The following MBD5 variants were observed in gnomAD, a reference collection of about 807,000 sequenced individuals.
MBD5 encodes the protein methyl-CpG binding domain protein 5, also known as methyl-CpG-binding domain protein 5.
A neutral mutation model predicts 117.3 loss-of-function variants in MBD5; 13 were observed. The ratio of observed to expected loss-of-function variants is 0.11; its 90% confidence interval spans 0.07 to 0.18. MBD5 has a LOEUF of 0.18. MBD5 is among the 10% of genes least tolerant of loss of function. The pLI is 1.00. For synonymous variants in MBD5, 727 were observed against 766.4 expected (o/e 0.95, Z 0.85); for missense variants, 1,879 against 2,093.8 (o/e 0.90, Z 2.00).
rs114720404 is a variant in MBD5, at chr2:148,167,192, T to C, written c.-924-11508T>C. ...TCTACAGGAAAAGAATTTTTAGTCT[T>C]TATGCCGATTAAAATGGTATTTATT... On this transcript the variant is annotated intron_variant, in intron 1 of 13. Coordinates refer to ENST00000642680, the MANE Select transcript of MBD5 (RefSeq NM_001378120.1). Among the ~76,000 whole-genome samples the C allele has an allele frequency of 4.1e-3, 622 of 152,286 alleles. 2 individuals are homozygous for C. Among genetic ancestry groups the C allele is most frequent in the South Asian group, 0.014 (68 of 4,832 alleles).
chr2:148,238,996 C>CAT (rs72208627), intron 3 of MBD5, among the ~76,000 whole-genome samples: 32 of 149,168 alleles, frequency 2.1e-4, no homozygotes, highest in African/African-American at 7.2e-4. Context: ...ATAACTCTAT[C>CAT]ATATATATAT....
chr2:148,255,273 A>G (rs544753014), intron 3 of MBD5, among the ~76,000 whole-genome samples: 1 of 152,260 alleles, frequency 6.6e-6, no homozygotes, highest in South Asian at 2.1e-4. Context: ...ACACCTTCTC[A>G]GCTCCCCGTG....
intron 3 of MBD5, among the ~76,000 whole-genome samples, chr2:148,328,732 C>T (rs1384948019): frequency 1.3e-5 from 2 of 152,194 alleles, no homozygotes; most frequent in African/African-American, 4.8e-5. Flanking sequence ...CTGACCTGCG[C>T]CCACTGTCTG....
chr2:148,484,122 G>T lies in MBD5; in HGVS notation c.3531G>T (p.Gly1177=), dbSNP rs928837967. The change falls in exon 9 of 14, where the codon GGG becomes GGT. Residue 1177 remains glycine, a synonymous_variant. Transcript: ENST00000642680. ...VVPQLLNPLL[G]TGLLGDMSSI... is the part of the protein sequence containing the mutation. Reference sequence around the variant, plus strand: ...CACAGCTACTTAACCCTCTACTGGGGACAGGTCTACTTGGTAAGTTAAATT... The same window carrying T: ...CACAGCTACTTAACCCTCTACTGGGTACAGGTCTACTTGGTAAGTTAAATT... The T allele has an allele frequency of 1.3e-6, 2 of 1,487,770 alleles. No homozygotes were observed. Among genetic ancestry groups the T allele is most frequent in the Non-Finnish European group, 1.8e-6 (2 of 1,117,122 alleles). The allele number at this position is 1,487,770 out of a possible 1,614,324, so 92.2% of individuals were successfully genotyped here.
intron 1 of MBD5, chr2:148,055,381 A>T (rs1436778613): frequency 6.7e-6 from 1 of 148,260 alleles, no homozygotes; most frequent in East Asian, 2.0e-4. Flanking sequence ...GCCTTCTTTG[A>T]TTAACAATCC....
At chr2:148,112,199 A>G (rs1299996633) in intron 1 of MBD5, among the ~76,000 whole-genome samples, 1 of 152,198 alleles carries the variant, frequency 6.6e-6, no homozygotes, top group African/African-American at 2.4e-5. Flanking sequence ...GAAATTTTTC[A>G]AAGAATTTAT....
At chr2:148,462,216 T>A (rs1707109870) in intron 5 of MBD5, among the ~76,000 whole-genome samples, 1 of 152,198 alleles carries the variant, frequency 6.6e-6, no homozygotes, top group Admixed American at 6.5e-5. Flanking sequence ...AAGTAGATAT[T>A]CTAGTTTAAA....
intron 3 of MBD5, among the ~76,000 whole-genome samples, chr2:148,239,554 G>C (rs190838094): frequency 9.4e-4 from 143 of 152,006 alleles, no homozygotes; most frequent in African/African-American, 3.3e-3. Flanking sequence ...TTATTATTAT[G>C]GGTAAGAAAT....
At chr2:148,150,467 A>G (rs1327581427) in intron 1 of MBD5, among the ~76,000 whole-genome samples, 1 of 152,074 alleles carries the variant, frequency 6.6e-6, no homozygotes, top group Non-Finnish European at 1.5e-5. Context: ...TTTTTTTCCA[A>G]TTCTGTGAAG....
intron 1 of MBD5, chr2:148,056,171 T>C (rs1209170060): frequency 6.6e-6 from 1 of 152,166 alleles, no homozygotes; most frequent in Non-Finnish European, 1.5e-5. Flanking sequence ...GAAATGCAGT[T>C]GTCTTTTGTA....
At chr2:148,406,231 C>CT (rs1705073843) in intron 4 of MBD5, among the ~76,000 whole-genome samples, 1 of 152,120 alleles carries the variant, frequency 6.6e-6, no homozygotes, top group Non-Finnish European at 1.5e-5. Flanking sequence ...TGGCCATGTA[C>CT]TTTTTTCTGG....
chr2:148,494,708 T>C (rs1017900932), intron 11 of MBD5, among the ~76,000 whole-genome samples: 8 of 152,300 alleles, frequency 5.3e-5, no homozygotes, highest in African/African-American at 1.9e-4. Flanking sequence ...ACGCCTGTAA[T>C]CCCAGCACTT....
chr2:148,439,163 T>G (rs914754376), intron 4 of MBD5, among the ~76,000 whole-genome samples: 2 of 152,162 alleles, frequency 1.3e-5, no homozygotes, highest in African/African-American at 4.8e-5. Flanking sequence ...GAAGTTGACT[T>G]TCAGGATTTC....
At chr2:148,084,081 G>A (rs559619025) in intron 1 of MBD5, among the ~76,000 whole-genome samples, 4 of 152,164 alleles carry the variant, frequency 2.6e-5, no homozygotes, top group Non-Finnish European at 5.9e-5. Context: ...AAAGTCTCTC[G>A]TTTTGCTGTT....
intron 2 of MBD5, among the ~76,000 whole-genome samples, chr2:148,224,509 ATTTTTTTTT>A (rs34659671): frequency 6.9e-5 from 4 of 58,136 alleles, no homozygotes; most frequent in African/African-American, 3.2e-4. Context: ...CGCCTGGCTA[ATTTTTTTTT>A]TTTTTTTTTT....
intron 3 of MBD5, among the ~76,000 whole-genome samples, chr2:148,234,300 G>T (rs1332159120): frequency 6.6e-6 from 1 of 152,116 alleles, no homozygotes; most frequent in African/African-American, 2.4e-5. Context: ...CAACTCATCA[G>T]CCTGAGGTCA....
At chr2:148,074,507 G>GTTTTTTTTTTTTGTTTTTTTTTTTTTGT (rs11443189) in intron 1 of MBD5, among the ~76,000 whole-genome samples, 3 of 113,772 alleles carry the variant, frequency 2.6e-5, no homozygotes, top group African/African-American at 1.0e-4. Flanking sequence ...TTTTTTTTTT[G>GTTTTTTTTTTTTGTTTTTTTTTTTTTGT]TTTTTTTTTT....
At chr2:148,368,256 C>G (rs1021823205) in intron 4 of MBD5, among the ~76,000 whole-genome samples, 1 of 152,038 alleles carries the variant, frequency 6.6e-6, no homozygotes, top group African/African-American at 2.4e-5. Flanking sequence ...TGTTCTCACT[C>G]ATAAGTGGGA....
chr2:148,197,727 T>C (rs547009501), intron 2 of MBD5, among the ~76,000 whole-genome samples: 2 of 152,220 alleles, frequency 1.3e-5, no homozygotes, highest in South Asian at 4.2e-4. Flanking sequence ...TTTAGTGTTT[T>C]CTTTCTTTTA....
Sources: gnomAD v4.1 joint callset for allele counts (sites outside exome capture counted in the v4.1 genomes callset) on GRCh38, gnomAD v4.1.1 for gene constraint, MANE v1.5 for transcripts, NCBI Gene and HGNC (gene_info 2026-07-23, HGNC 2026-07-21) for gene names.